The following DIS3L2 variants were observed in gnomAD, a reference collection of about 807,000 sequenced individuals.
The protein encoded by DIS3L2 is DIS3 like 3'-5' exoribonuclease 2.
Under a neutral mutation model 97.5 loss-of-function variants are expected in DIS3L2, and 34 were observed. The observed-to-expected ratio is 0.35, with a 90% CI of 0.27 to 0.46. The LOEUF is 0.46. Among genes scored for constraint, DIS3L2 ranks in the 20% least tolerant of loss-of-function variants. The pLI is 1.00. For synonymous variants in DIS3L2, 435 were observed against 445.2 expected, an observed-to-expected ratio of 0.98 and a Z score of 0.29; for missense variants, 1,038 against 1,146.0, an observed-to-expected ratio of 0.91 and a Z score of 1.36.
chr2:232,295,266 T>G (rs893223760), intron 13 of DIS3L2, among the ~76,000 whole-genome samples: 6 of 152,120 alleles, frequency 3.9e-5, no homozygotes, highest in Non-Finnish European at 7.3e-5. Flanking sequence ...CTTCATCACT[T>G]TCCTCAAACT....
intron 6 of DIS3L2, among the ~76,000 whole-genome samples, chr2:232,119,719 G>T (rs115994705): frequency 0.014 from 2,071 of 152,282 alleles, 48 homozygotes; most frequent in African/African-American, 0.043. Context: ...TCAGTGCAAA[G>T]CCCCATTTGA....
intron 1 of DIS3L2, among the ~76,000 whole-genome samples, chr2:231,977,009 C>T (rs996921923): frequency 2.2e-4 from 34 of 152,204 alleles, no homozygotes; most frequent in African/African-American, 6.7e-4. Context: ...CCTCGTGATC[C>T]GCCCGCCTCA....
At chr2:232,033,401 A>G (rs12996086) in intron 5 of DIS3L2, among the ~76,000 whole-genome samples, 20,357 of 152,198 alleles carry the variant, frequency 0.13, 1,848 homozygotes, top group South Asian at 0.34. Context: ...TAAATATACA[A>G]TCATGTCATC....
downstream of DIS3L2, among the ~76,000 whole-genome samples, chr2:232,337,942 G>C (rs1289361795): frequency 6.7e-6 from 1 of 149,414 alleles, no homozygotes; most frequent in Non-Finnish European, 1.5e-5. Context: ...GCGGCCTTCC[G>C]TCTGTGTGTC....
At chr2:232,279,829 TG>T (rs1465453147) in intron 13 of DIS3L2, among the ~76,000 whole-genome samples, 2 of 152,194 alleles carry the variant, frequency 1.3e-5, no homozygotes, top group Non-Finnish European at 1.5e-5. Flanking sequence ...ACGCCTGGCC[TG>T]GAAAGGATTT....
At chr2:232,343,162 G>C (rs568882382) in intron 13 of DIS3L2, 133 of 636,792 alleles carry the variant, frequency 2.1e-4, no homozygotes, top group Non-Finnish European at 3.5e-4. Flanking sequence ...CATCAAAGCA[G>C]ACTGTTGACT....
chr2:232,104,527 C>T (rs1186451821), intron 6 of DIS3L2, among the ~76,000 whole-genome samples: 1 of 152,090 alleles, frequency 6.6e-6, no homozygotes, highest in Non-Finnish European at 1.5e-5. Context: ...TTTCCCAAAC[C>T]TTTTCATCAT....
At chr2:232,073,849 G>A (rs886565047) in intron 5 of DIS3L2, among the ~76,000 whole-genome samples, 1 of 152,308 alleles carries the variant, frequency 6.6e-6, no homozygotes, top group Admixed American at 6.5e-5. Context: ...CTAGATCCTG[G>A]TAGGTTTGAA....
chr2:232,010,789 T>C (rs1316823609), intron 1 of DIS3L2, among the ~76,000 whole-genome samples: 4 of 152,254 alleles, frequency 2.6e-5, no homozygotes, highest in African/African-American at 9.6e-5. Context: ...CATAGAACTT[T>C]GCGTTTTCAA....
chr2:232,169,395 C>T (rs1461593439), intron 9 of DIS3L2, among the ~76,000 whole-genome samples: 1 of 151,850 alleles, frequency 6.6e-6, no homozygotes, highest in African/African-American at 2.4e-5. Context: ...ACTGAAAATG[C>T]AAAGACAACC....
chr2:232,136,103 C>T (rs556494823), intron 7 of DIS3L2, among the ~76,000 whole-genome samples: 4 of 152,196 alleles, frequency 2.6e-5, no homozygotes, highest in Admixed American at 2.0e-4. Context: ...AAGCACCTAC[C>T]GTGTTGTTTG....
At chr2:232,084,841 A>G (rs1021854985) in intron 5 of DIS3L2, among the ~76,000 whole-genome samples, 1 of 149,954 alleles carries the variant, frequency 6.7e-6, no homozygotes, top group Non-Finnish European at 1.5e-5. Flanking sequence ...CTATTACTAT[A>G]TTTTTATGGA....
chr2:232,040,627 T>C (rs148560502), intron 5 of DIS3L2, among the ~76,000 whole-genome samples: 1 of 152,236 alleles, frequency 6.6e-6, no homozygotes, highest in Admixed American at 6.5e-5. Context: ...ATTACAAATA[T>C]GCATATATAA....
chr2:232,118,138 G>A (rs1697783887), intron 6 of DIS3L2, among the ~76,000 whole-genome samples: 1 of 152,146 alleles, frequency 6.6e-6, no homozygotes, highest in African/African-American at 2.4e-5. Context: ...GCCTCTCTAT[G>A]TGGCCGCATG....
chr2:232,019,214 A>G (rs566099945), intron 3 of DIS3L2, among the ~76,000 whole-genome samples: 41 of 152,324 alleles, frequency 2.7e-4, no homozygotes, highest in Non-Finnish European at 4.0e-4. Context: ...CCAGGAAGAT[A>G]GAGGTCAGGA....
intron 9 of DIS3L2, among the ~76,000 whole-genome samples, chr2:232,209,935 C>A (rs959115403): frequency 2.6e-5 from 4 of 152,190 alleles, no homozygotes; most frequent in South Asian, 2.1e-4. Context: ...TGGGTCCCAT[C>A]CCCCTGTATC....
intron 17 of DIS3L2, 61 bp downstream of exon 17, chr2:232,334,048 A>G: frequency 1.3e-6 from 2 of 1,554,524 alleles, no homozygotes; most frequent in Non-Finnish European, 8.7e-7. Flanking sequence ...CCACCCCCAC[A>G]GTGGGTGCTC....
At position 232,337,181 on chromosome 2, in the gene DIS3L2, A is replaced by ATT. The variant is rs1358352271; in HGVS notation, c.*552_*553dup. The ATT allele has an allele frequency of 3.0e-6, 3 of 995,578 alleles. No homozygotes were observed. Among genetic ancestry groups the ATT allele is most frequent in the Non-Finnish European group, 3.6e-6 (3 of 837,786 alleles). 61.7% of individuals were successfully genotyped at this position (995,578 alleles called of 1,614,324 possible). ...CTCATTCTGCCTGATTAAAAATGGA[A>ATT]TTAGTATGCAACACTGAGAGCGCCC... is the stretch of plus-strand genomic sequence containing the variant. On this transcript the variant is annotated 3_prime_UTR_variant, in exon 21 of 21. Transcript: ENST00000325385.
In DIS3L2 at chr2:232,337,026, T is replaced by G; in HGVS notation, c.*396T>G. The G allele has an allele frequency of 9.3e-7, 1 of 1,070,486 alleles. No individual in the cohort carries two copies. Among genetic ancestry groups the G allele is most frequent in the Non-Finnish European group, 1.1e-6 (1 of 882,762 alleles). The allele number at this position is 1,070,486 out of a possible 1,614,324, so 66.3% of individuals were successfully genotyped here. ...GAAGCCTGGGCAGCAGAATGCCCCT[T>G]GCACCCAGGGCAAGGGACCCAGTTC... On this transcript the variant is annotated 3_prime_UTR_variant, in exon 21 of 21. Transcript: ENST00000325385.
Sources: allele counts gnomAD v4.1 joint callset (sites outside exome capture counted in the v4.1 genomes callset), GRCh38; gene constraint gnomAD v4.1.1; transcripts MANE v1.5; gene names NCBI Gene and HGNC (gene_info 2026-07-23, HGNC 2026-07-21).